DLGAP1: variants seen among roughly 807,000 people sequenced by gnomAD.
DLGAP1 encodes the protein disks large-associated protein 1.
DLGAP1 carries 11 observed loss-of-function variants against 90.8 expected under a neutral mutation model. That is an observed-to-expected ratio of 0.12 (90% CI 0.08 to 0.20). The LOEUF is 0.20. DLGAP1 is among the 10% of genes least tolerant of loss of function. The probability of loss-of-function intolerance (pLI) is 1.00; values close to 1 mark genes in which losing one functional copy is unlikely to be tolerated. For synonymous variants in DLGAP1, 558 were observed against 540.7 expected, an observed-to-expected ratio of 1.03 and a Z score of -0.44; for missense variants, 1,050 against 1,333.8, an observed-to-expected ratio of 0.79 and a Z score of 3.31.
chr18:4,278,755 C>CAA (rs1428227835), intron 1 of DLGAP1, among the ~76,000 whole-genome samples: 1 of 111,032 alleles, frequency 9.0e-6, no homozygotes, highest in African/African-American at 7.4e-5. Flanking sequence ...TATACACACA[C>CAA]ACACACATAT....
chr18:3,892,219 T>A lies in DLGAP1; in HGVS notation c.-72-12079A>T, dbSNP rs867197415. Among the ~76,000 whole-genome samples the A allele has an allele frequency of 2.0e-5, 3 of 151,420 alleles. No individual in the cohort carries two copies. In the South Asian group the frequency reaches 6.3e-4, roughly 32 times the overall value. ...TTGTAATATGATCTTTGTTACCTGA[T>A]TATGCCATTCTTTCACTTTAAATTC... is the stretch of plus-strand genomic sequence containing the variant. On this transcript the variant is annotated intron_variant, in intron 3 of 12. Transcript: ENST00000315677.
chr18:4,274,149 G>A (rs1007880108), intron 1 of DLGAP1, among the ~76,000 whole-genome samples: 8 of 151,258 alleles, frequency 5.3e-5, no homozygotes, highest in East Asian at 1.9e-4. Flanking sequence ...AAGCCCTTAC[G>A]GTTATAACTT....
intron 3 of DLGAP1, among the ~76,000 whole-genome samples, chr18:3,969,620 G>A (rs17574146): frequency 7.9e-5 from 12 of 152,074 alleles, no homozygotes; most frequent in African/African-American, 1.9e-4. Context: ...GCAGTTTCAC[G>A]ATTTCGGTCT....
At chr18:3,698,630 C>A (rs562846828) in intron 7 of DLGAP1, among the ~76,000 whole-genome samples, 1 of 152,164 alleles carries the variant, frequency 6.6e-6, no homozygotes, top group South Asian at 2.1e-4. Context: ...TGGGGTTGCT[C>A]TTCTTGAGGA....
At chr18:3,682,846 G>T (rs1319516459) in intron 7 of DLGAP1, among the ~76,000 whole-genome samples, 2 of 149,984 alleles carry the variant, frequency 1.3e-5, no homozygotes, top group African/African-American at 2.4e-5. Flanking sequence ...TCCAAAGCTT[G>T]TTTTCTTTCT....
At chr18:4,034,067 G>C (rs1185124626) in intron 2 of DLGAP1, among the ~76,000 whole-genome samples, 1 of 118,192 alleles carries the variant, frequency 8.5e-6, no homozygotes, top group Non-Finnish European at 1.7e-5. Context: ...CTGAGATGGA[G>C]TTTCGCTCTT....
intron 7 of DLGAP1, among the ~76,000 whole-genome samples, chr18:3,662,218 T>C (rs564330160): frequency 6.2e-4 from 95 of 152,302 alleles, no homozygotes; most frequent in African/African-American, 2.1e-3. Context: ...CTAGAATGTG[T>C]TGAGTAAAAA....
chr18:3,741,088 TCACCACCACCACCATCACCATCACCAC>T (rs2062939557), intron 6 of DLGAP1, among the ~76,000 whole-genome samples: 5 of 45,818 alleles, frequency 1.1e-4, no homozygotes, highest in African/African-American at 3.5e-4. Context: ...ACCATCACCA[TCACCACCACCACCATCACCATCACCAC>T]CACCATCACC....
intron 2 of DLGAP1, among the ~76,000 whole-genome samples, chr18:4,053,487 G>T (rs9963692): frequency 0.94 from 142,553 of 152,272 alleles, 67,197 homozygotes; most frequent in Non-Finnish European, 0.99. Flanking sequence ...CAATTCAAGA[G>T]AAGATTTGGG....
intron 1 of DLGAP1, among the ~76,000 whole-genome samples, chr18:4,376,192 C>T (rs2082011188): frequency 6.6e-6 from 1 of 152,122 alleles, no homozygotes; most frequent in Non-Finnish European, 1.5e-5. Context: ...TCGGCCAAGG[C>T]ACCAACCAGC....
rs565354943 is a variant in DLGAP1 at position 4,069,345 on chromosome 18, G to A, written c.-158-64144C>T. Among the ~76,000 whole-genome samples the A allele has an allele frequency of 2.0e-5, 3 of 152,234 alleles. No individual in the cohort carries two copies. In the South Asian group the frequency reaches 6.2e-4, roughly 32 times the overall value. On this transcript the variant is annotated intron_variant, in intron 2 of 12. Transcript: ENST00000315677. ...ATTACATTGAAAATCATGCCTTGGG[G>A]ATTGATGATTCTTTGTTGTAAAGTG...
At chr18:4,082,510 C>CAAAAAAAAAAAAAAAAAAAAAAAAAA (rs59735494) in intron 2 of DLGAP1, among the ~76,000 whole-genome samples, 9 of 52,096 alleles carry the variant, frequency 1.7e-4, no homozygotes, top group African/African-American at 5.4e-4. Flanking sequence ...GACTTTGTCT[C>CAAAAAAAAAAAAAAAAAAAAAAAAAA]AAAAAAAAAA....
At chr18:3,929,472 G>A (rs1445590418) in intron 3 of DLGAP1, among the ~76,000 whole-genome samples, 2 of 152,180 alleles carry the variant, frequency 1.3e-5, no homozygotes, top group Admixed American at 1.3e-4. Context: ...CTATCTTTGT[G>A]ATTTTCTAAG....
intron 7 of DLGAP1, among the ~76,000 whole-genome samples, chr18:3,585,227 C>T (rs529212831): frequency 6.6e-6 from 1 of 152,360 alleles, no homozygotes; most frequent in Non-Finnish European, 1.5e-5. Flanking sequence ...AGCTAAGCCT[C>T]TGGCTAAACA....
intron 1 of DLGAP1, among the ~76,000 whole-genome samples, chr18:4,407,338 GTAAAT>G (rs1177767114): frequency 6.6e-6 from 1 of 152,136 alleles, no homozygotes; most frequent in African/African-American, 2.4e-5. Context: ...CTTTACACAG[GTAAAT>G]TAAATAAGTT....
At chr18:3,772,390 TTCTTTCTTTC>T in intron 5 of DLGAP1, among the ~76,000 whole-genome samples, 1 of 30,260 alleles carries the variant, frequency 3.3e-5, no homozygotes, top group African/African-American at 8.1e-5. Context: ...CTTTCTTTCT[TTCTTTCTTTC>T]TTTCTTTCTC....
chr18:4,284,404 G>A (rs900023611), intron 1 of DLGAP1, among the ~76,000 whole-genome samples: 1 of 152,028 alleles, frequency 6.6e-6, no homozygotes, highest in African/African-American at 2.4e-5. Context: ...TGCATCAAAC[G>A]CTTTATCCCA....
intron 1 of DLGAP1, among the ~76,000 whole-genome samples, chr18:4,450,780 T>C (rs1171006821): frequency 6.6e-6 from 1 of 152,188 alleles, no homozygotes; most frequent in Non-Finnish European, 1.5e-5. Context: ...CCATGATAAG[T>C]GAATATGAAA....
chr18:3,578,345 T>G (rs2055277537), intron 8 of DLGAP1, among the ~76,000 whole-genome samples: 1 of 151,940 alleles, frequency 6.6e-6, no homozygotes, highest in Non-Finnish European at 1.5e-5. Context: ...ATTCAATGAA[T>G]AGTTTGCGTC....
Sources: allele counts gnomAD v4.1 joint callset (sites outside exome capture counted in the v4.1 genomes callset), GRCh38; gene constraint gnomAD v4.1.1; transcripts MANE v1.5; gene names NCBI Gene and HGNC (gene_info 2026-07-23, HGNC 2026-07-21).